Variants in ZSWIM6 observed in about 807,000 individuals in gnomAD.
ZSWIM6 encodes the protein zinc finger SWIM domain-containing protein 6.
ZSWIM6 carries 9 observed loss-of-function variants against 113.2 expected under a neutral mutation model. That is an observed-to-expected ratio of 0.08 (90% CI 0.05 to 0.14). ZSWIM6 has a LOEUF of 0.14. ZSWIM6 is among the 10% of genes least tolerant of loss of function. The probability of loss-of-function intolerance (pLI) is 1.00; values close to 1 mark genes in which losing one functional copy is unlikely to be tolerated. For missense variants in ZSWIM6, 1,162 were observed against 1,552.2 expected, an observed-to-expected ratio of 0.75 and a Z score of 4.22; for synonymous variants, 611 against 606.5, an observed-to-expected ratio of 1.01 and a Z score of -0.11.
chr5:61,518,632 G>A (rs1379997129), intron 4 of ZSWIM6, among the ~76,000 whole-genome samples: 1 of 152,058 alleles, frequency 6.6e-6, no homozygotes, highest in Admixed American at 6.5e-5. Flanking sequence ...TTTTTGATGG[G>A]GTTGTTTGTT....
intron 2 of ZSWIM6, among the ~76,000 whole-genome samples, chr5:61,482,101 A>G (rs532069649): frequency 1.3e-4 from 20 of 152,300 alleles, no homozygotes; most frequent in Admixed American, 7.8e-4. Context: ...CTCAAAGCTA[A>G]ATGTTGAGAG....
intron 1 of ZSWIM6, among the ~76,000 whole-genome samples, chr5:61,409,779 G>A (rs368993481): frequency 1.4e-4 from 22 of 152,148 alleles, no homozygotes; most frequent in South Asian, 2.1e-4. Flanking sequence ...GAGAGCTGCG[G>A]GTGGGTAAGC....
chr5:61,394,512 C>T (rs918936176), intron 1 of ZSWIM6, among the ~76,000 whole-genome samples: 18 of 152,220 alleles, frequency 1.2e-4, no homozygotes, highest in African/African-American at 4.3e-4. Flanking sequence ...TCAGAGCTGA[C>T]TCAGACCTTT....
chr5:61,405,584 T>C (rs1203108383), intron 1 of ZSWIM6, among the ~76,000 whole-genome samples: 1 of 152,200 alleles, frequency 6.6e-6, no homozygotes, highest in East Asian at 1.9e-4. Context: ...GTATTTTCTG[T>C]TCTTGGGAGG....
At chr5:61,358,298 A>C (rs191985732) in intron 1 of ZSWIM6, among the ~76,000 whole-genome samples, 153 of 152,374 alleles carry the variant, frequency 1.0e-3, no homozygotes, top group Non-Finnish European at 1.8e-3. Context: ...AAGATCCCCC[A>C]AAATCTGCAA....
intron 1 of ZSWIM6, among the ~76,000 whole-genome samples, chr5:61,377,454 T>C (rs1745394656): frequency 6.6e-6 from 1 of 152,056 alleles, no homozygotes; most frequent in Non-Finnish European, 1.5e-5. Context: ...TTTTGCATAC[T>C]TAAAACTACC....
At chr5:61,468,791 G>A (rs1747497926) in intron 1 of ZSWIM6, among the ~76,000 whole-genome samples, 2 of 152,162 alleles carry the variant, frequency 1.3e-5, no homozygotes, top group South Asian at 2.1e-4. Flanking sequence ...GAATTTCAAA[G>A]AAGATTTCTC....
At chr5:61,504,123 G>T (rs1748540653) in intron 4 of ZSWIM6, among the ~76,000 whole-genome samples, 1 of 152,156 alleles carries the variant, frequency 6.6e-6, no homozygotes, top group Admixed American at 6.5e-5. Context: ...AGTTATTTTT[G>T]ATGTACTGAA....
chr5:61,479,582 A>C (rs1747801826), intron 2 of ZSWIM6, among the ~76,000 whole-genome samples: 1 of 152,162 alleles, frequency 6.6e-6, no homozygotes, highest in Non-Finnish European at 1.5e-5. Context: ...AGAAGAGCTT[A>C]TTATTCCCAT....
chr5:61,478,115 G>A (rs1018790533), intron 2 of ZSWIM6, among the ~76,000 whole-genome samples: 1 of 152,100 alleles, frequency 6.6e-6, no homozygotes, highest in Non-Finnish European at 1.5e-5. Flanking sequence ...CCTTTCTATT[G>A]TATAATAGAA....
Position 61,472,084 on chromosome 5 carries a change from CAT to C in ZSWIM6, c.677-596_677-595del, listed in dbSNP as rs1747585184. Among the ~76,000 whole-genome samples, 2 of 152,140 alleles carry C rather than the reference CAT, an allele frequency of 1.3e-5. No individual in the cohort carries two copies. The highest frequency in any genetic ancestry group is 2.9e-5 in the Non-Finnish European group (2 of 68,020). ...TCTATAAGCAGTTGCTGCTCATAGA[CAT>C]TGCTGTATTGGGGTATACATTATGC... is the stretch of plus-strand genomic sequence containing the variant. On this transcript the variant is annotated intron_variant, in intron 1 of 13. Coordinates refer to ENST00000252744, the MANE Select transcript of ZSWIM6 (RefSeq NM_020928.2). This position sits in a 1 kb window ranked among gnomAD's most constrained non-coding sequence, Gnocchi z 4.1.
intron 1 of ZSWIM6, among the ~76,000 whole-genome samples, chr5:61,423,431 AC>A (rs1175337817): frequency 6.6e-6 from 1 of 151,960 alleles, no homozygotes. Flanking sequence ...CAAAAAAAAA[AC>A]AAAACGGCAA....
chr5:61,485,825 T>A (rs1410987447), intron 2 of ZSWIM6, among the ~76,000 whole-genome samples: 2 of 152,216 alleles, frequency 1.3e-5, no homozygotes. Context: ...TTCCAAAATT[T>A]TAAAAGATGT....
intron 1 of ZSWIM6, among the ~76,000 whole-genome samples, chr5:61,432,230 A>G (rs995114939): frequency 1.3e-5 from 2 of 152,300 alleles, no homozygotes; most frequent in South Asian, 4.1e-4. Context: ...GGCTTGTGCT[A>G]GGTTTGAATT....
At chr5:61,501,114 C>T (rs766130259) in intron 4 of ZSWIM6, among the ~76,000 whole-genome samples, 13 of 152,178 alleles carry the variant, frequency 8.5e-5, no homozygotes, top group Non-Finnish European at 1.3e-4. Flanking sequence ...GAAGGCTCAT[C>T]TGCTTCTAGG....
intron 12 of ZSWIM6, among the ~76,000 whole-genome samples, chr5:61,540,117 G>A (rs576653450): frequency 5.7e-4 from 87 of 152,312 alleles, no homozygotes; most frequent in Admixed American, 9.8e-4. Flanking sequence ...AGATTCAGTT[G>A]TTAGGGTTAA....
intron 2 of ZSWIM6, among the ~76,000 whole-genome samples, chr5:61,474,568 T>C (rs1044817613): frequency 1.3e-5 from 2 of 152,210 alleles, no homozygotes; most frequent in Non-Finnish European, 2.9e-5. Flanking sequence ...CTTTTTTTCA[T>C]GTTAAGTCTG....
intron 1 of ZSWIM6, among the ~76,000 whole-genome samples, chr5:61,352,979 A>G (rs2112041779): frequency 1.3e-5 from 2 of 152,320 alleles, no homozygotes; most frequent in South Asian, 4.1e-4. Flanking sequence ...GCTCATGTGC[A>G]GGTCACTGTG....
chr5:61,479,928 A>G (rs1280170955), intron 2 of ZSWIM6, among the ~76,000 whole-genome samples: 2 of 144,988 alleles, frequency 1.4e-5, no homozygotes, highest in East Asian at 2.0e-4. Flanking sequence ...TTTTTTTTTT[A>G]AGTCTTTTAA....
Sources: gnomAD v4.1 joint callset for allele counts (sites outside exome capture counted in the v4.1 genomes callset) on GRCh38, gnomAD v4.1.1 for gene constraint, Gnocchi (gnomAD v3.1) non-coding constraint, MANE v1.5 for transcripts, NCBI Gene and HGNC (gene_info 2026-07-23, HGNC 2026-07-21) for gene names.